The following UQCR10 variants were observed in gnomAD, a reference collection of about 807,000 sequenced individuals.
The protein encoded by UQCR10 is ubiquinol-cytochrome c reductase, complex III subunit X.
Under a neutral mutation model 6.0 loss-of-function variants are expected in UQCR10, and 5 were observed. That is an observed-to-expected ratio of 0.83 (90% CI 0.43 to 1.74). The LOEUF (loss-of-function observed/expected upper bound fraction) is 1.74, where lower values mean the gene tolerates loss of function less well. Ranked by LOEUF, UQCR10 falls within the 40% of genes most tolerant of loss-of-function variation. The probability of loss-of-function intolerance (pLI) is 0.02; values close to 1 mark genes in which losing one functional copy is unlikely to be tolerated. For synonymous variants in UQCR10, 40 were observed against 37.4 expected (o/e 1.07, Z -0.26); for missense variants, 101 against 85.1 (o/e 1.19, Z -0.74).
At chr22:29,769,229 C>T (rs944985618) in intron 1 of UQCR10, among the ~76,000 whole-genome samples, 1 of 152,110 alleles carries the variant, frequency 6.6e-6, no homozygotes, top group African/African-American at 2.4e-5. Flanking sequence ...AGGCTCGGCG[C>T]GGTGGCTCAC....
At chr22:29,769,416 G>T (rs1315085643) in intron 1 of UQCR10, among the ~76,000 whole-genome samples, 1 of 152,030 alleles carries the variant, frequency 6.6e-6, no homozygotes, top group Non-Finnish European at 1.5e-5. Flanking sequence ...AGAATCGCTC[G>T]AACCCAAGAG....
Position 29,767,438 on chromosome 22 carries a change from C to A in UQCR10, c.40C>A (p.Leu14Met), listed in dbSNP as rs920467333. ...GTTGACTTCGAAATTGTACTCCCTG[C>A]TGTTCCGCAGGACCTCCACCTTCGC... is the stretch of plus-strand genomic sequence containing the variant. ...ATLTSKLYSL[L>M]FRRTSTFALT... Residue 14 changes from leucine (L) to methionine (M), a missense_variant, in exon 1 of 2, where the codon CTG (leucine) becomes ATG (methionine). Physicochemically the swap from Leu to Met is conservative, Grantham distance 15. Coordinates refer to ENST00000330029, the MANE Select transcript of UQCR10 (RefSeq NM_013387.4). The A allele has an allele frequency of 1.4e-5, 23 of 1,613,962 alleles. No individual in the cohort carries two copies. Among genetic ancestry groups the A allele is most frequent in the Non-Finnish European group, 1.9e-5 (23 of 1,179,854 alleles).
At chr22:29,767,821 C>T (rs1421836286) in intron 1 of UQCR10, among the ~76,000 whole-genome samples, 1 of 152,140 alleles carries the variant, frequency 6.6e-6, no homozygotes, top group Non-Finnish European at 1.5e-5. Flanking sequence ...AAACTAAAGG[C>T]TAGTGAGAGC....
At chr22:29,767,614 T>C in intron 1 of UQCR10, 66 bp downstream of exon 1, 1 of 1,539,574 alleles carries the variant, frequency 6.5e-7, no homozygotes. Flanking sequence ...AGAGGTGGGA[T>C]GGGACTCAGT....
chr22:29,768,100 A>G (rs2068236921), intron 1 of UQCR10, among the ~76,000 whole-genome samples: 1 of 152,208 alleles, frequency 6.6e-6, no homozygotes, highest in African/African-American at 2.4e-5. Context: ...TAACTGTGGC[A>G]TTAAGTTGAG....
rs1291570556 is a variant in UQCR10 at position 29,770,056 on chromosome 22, T to C, written c.*337T>C. On this transcript the variant is annotated 3_prime_UTR_variant, in exon 2 of 2. Coordinates refer to ENST00000330029, the MANE Select transcript of UQCR10 (RefSeq NM_013387.4). The stretch of plus-strand genomic sequence containing the variant: ...CACCCCAAAGGCAGAATCTGCTATT[T>C]TGAGTTTTCCATTAACTTCCAAAGA... 1.8e-5 allele frequency: 8 copies of C among 437,678 alleles called. No homozygotes were observed. Among genetic ancestry groups the C allele is most frequent in the Non-Finnish European group, 3.1e-5 (7 of 228,614 alleles). The allele number at this position is 437,678 out of a possible 1,614,324, so 27.1% of individuals were successfully genotyped here. A position where few individuals can be genotyped will look rare whatever the true frequency, so the allele number is the denominator to read the frequency against.
intron 1 of UQCR10, among the ~76,000 whole-genome samples, chr22:29,768,060 C>T (rs2068236669): frequency 6.6e-6 from 1 of 152,090 alleles, no homozygotes; most frequent in Non-Finnish European, 1.5e-5. Context: ...AATCAGAAAG[C>T]CTTGGATAGG....
chr22:29,769,815 T>G lies in UQCR10; in HGVS notation c.*96T>G, dbSNP rs191746407. On this transcript the variant is annotated 3_prime_UTR_variant, in exon 2 of 2. Coordinates refer to ENST00000330029, the MANE Select transcript of UQCR10 (RefSeq NM_013387.4). ...CTCAGCTTGAAGATGATGCTCAAGG[T>G]ACTCTTCATGGACCACCATTCGCTG... 2.7e-4 allele frequency: 370 copies of G among 1,380,508 alleles called. 3 individuals are homozygous for G. In the African/African-American group the frequency reaches 4.8e-3, roughly 18 times the overall value. The allele number at this position is 1,380,508 out of a possible 1,614,324, so 85.5% of individuals were successfully genotyped here.
rs2068252741 is a variant in UQCR10, at chr22:29,770,024, C to G, written c.*305C>G. On this transcript the variant is annotated 3_prime_UTR_variant, in exon 2 of 2. Transcript: ENST00000330029. ...TAATTTGAGACCACTTCAAAGCCCT[C>G]TGCAAACACCCCAAAGGCAGAATCT... 3 of 541,914 alleles carry G rather than the reference C, an allele frequency of 5.5e-6. No homozygotes were observed. Among genetic ancestry groups the G allele is most frequent in the Non-Finnish European group, 1.0e-5 (3 of 285,928 alleles). The allele number at this position is 541,914 out of a possible 1,614,324, so 33.6% of individuals were successfully genotyped here.
Position 29,770,010 on chromosome 22 carries a change from C to T in UQCR10, c.*291C>T, listed in dbSNP as rs1025071398. 8.7e-6 allele frequency: 5 copies of T among 577,448 alleles called. No homozygotes were observed. Among genetic ancestry groups the T allele is most frequent in the Non-Finnish European group, 1.6e-5 (5 of 305,890 alleles). 35.8% of individuals were successfully genotyped at this position (577,448 alleles called of 1,614,324 possible). On this transcript the variant is annotated 3_prime_UTR_variant, in exon 2 of 2. Coordinates refer to ENST00000330029, the MANE Select transcript of UQCR10 (RefSeq NM_013387.4). ...TCTTCACTTGTCAGTAATTTGAGAC[C>T]ACTTCAAAGCCCTCTGCAAACACCC...
chr22:29,767,545 G>A lies in UQCR10; in HGVS notation c.147G>A (p.Glu49=). The stretch of plus-strand genomic sequence containing the variant: ...ACGCTATCTACGACCACATCAACGA[G>A]GGGGTGAGGGCCTGTGCCATCCCTG... The part of the protein sequence containing the change: ...GADAIYDHIN[E]GKLWKHIKHK... Residue 49 remains glutamate, a synonymous_variant, in exon 1 of 2, where the codon GAG becomes GAA. Coordinates refer to ENST00000330029, the MANE Select transcript of UQCR10 (RefSeq NM_013387.4). The A allele has an allele frequency of 6.2e-7, 1 of 1,613,700 alleles. No homozygotes were observed. The highest frequency in any genetic ancestry group is 8.5e-7 in the Non-Finnish European group (1 of 1,179,674).
In UQCR10 at chr22:29,769,683, G is replaced by T. The variant is rs769302670; in HGVS notation, c.156G>T (p.Leu52=). 6.2e-7 allele frequency: 1 copy of T among 1,609,206 alleles called. No homozygotes were observed. Among genetic ancestry groups the T allele is most frequent in the South Asian group, 1.1e-5 (1 of 89,906 alleles). ...AIYDHINEGK[L]WKHIKHKYEN... is the part of the protein sequence containing the mutation. ...CTCTTGTCTTTAAAATGCAGAAGCTGTGGAAACACATCAAGCACAAGTATG... is the reference window on the plus strand; with the variant it reads ...CTCTTGTCTTTAAAATGCAGAAGCTTTGGAAACACATCAAGCACAAGTATG... Residue 52 remains leucine (L), a synonymous_variant, in exon 2 of 2, where the codon CTG becomes CTT. Coordinates refer to ENST00000330029, the MANE Select transcript of UQCR10 (RefSeq NM_013387.4).
intron 1 of UQCR10, 26 bp downstream of exon 1, chr22:29,767,574 T>C (rs1396479309): frequency 6.7e-7 from 1 of 1,502,748 alleles, no homozygotes; most frequent in Admixed American, 1.8e-5. Context: ...ATCCCTGACC[T>C]TGGACCCGCC....
chr22:29,768,571 G>A (rs746546572), intron 1 of UQCR10, among the ~76,000 whole-genome samples: 15 of 152,088 alleles, frequency 9.9e-5, no homozygotes, highest in Non-Finnish European at 1.0e-4. Flanking sequence ...CCATTGATCT[G>A]GAGAGACATC....
At position 29,769,993 on chromosome 22, in the gene UQCR10, T is replaced by C; in HGVS notation, c.*274T>C. The C allele has an allele frequency of 1.6e-6, 1 of 611,220 alleles. No homozygotes were observed. The highest frequency in any genetic ancestry group is 3.3e-5 in the East Asian group (1 of 29,966). 37.9% of individuals were successfully genotyped at this position (611,220 alleles called of 1,614,324 possible). On this transcript the variant is annotated 3_prime_UTR_variant, in exon 2 of 2. Coordinates refer to ENST00000330029, the MANE Select transcript of UQCR10 (RefSeq NM_013387.4). ...TTGTTAACTCTACCTGATCTTCACTTGTCAGTAATTTGAGACCACTTCAAA... is the reference window on the plus strand; with the variant it reads ...TTGTTAACTCTACCTGATCTTCACTCGTCAGTAATTTGAGACCACTTCAAA...
intron 1 of UQCR10, 127 bp downstream of exon 1, chr22:29,767,675 T>C: frequency 7.3e-7 from 1 of 1,367,068 alleles, no homozygotes; most frequent in Non-Finnish European, 9.8e-7. Context: ...GTCTTCTGTC[T>C]CGAGTCCGCC....
chr22:29,767,651 G>A lies in UQCR10; in HGVS notation c.150+103G>A, dbSNP rs532042151. Reference sequence around the variant, plus strand: ...TACTTTTACCAGGAAGGGGGTAAGGGGTAAACCGTCGGCGTCTTCTGTCTC... The same window carrying A: ...TACTTTTACCAGGAAGGGGGTAAGGAGTAAACCGTCGGCGTCTTCTGTCTC... On this transcript the variant is annotated intron_variant, in intron 1 of 1. Transcript: ENST00000330029. 1.2e-5 allele frequency: 17 copies of A among 1,475,254 alleles called. No individual in the cohort carries two copies. The East Asian group carries it at 1.5e-4, about 13-fold the overall frequency. The allele number at this position is 1,475,254 out of a possible 1,614,324, so 91.4% of individuals were successfully genotyped here.
chr22:29,770,107 G>C lies in UQCR10; in HGVS notation c.*388G>C. On this transcript the variant is annotated 3_prime_UTR_variant, in exon 2 of 2. Coordinates refer to ENST00000330029, the MANE Select transcript of UQCR10 (RefSeq NM_013387.4). ...ATTCTGGTTTTCAAAACAGGAGCCA[G>C]AGTTGGAGATATTACAGTCAACTTT... 2.7e-6 allele frequency: 1 copy of C among 374,766 alleles called. No homozygotes were observed. Among genetic ancestry groups the C allele is most frequent in the South Asian group, 2.1e-5 (1 of 48,264 alleles). 23.2% of individuals were successfully genotyped at this position (374,766 alleles called of 1,614,324 possible).
chr22:29,767,446 C>G lies in UQCR10; in HGVS notation c.48C>G (p.Arg16=), dbSNP rs2147244643. 3 of 1,614,010 alleles carry G rather than the reference C, an allele frequency of 1.9e-6. 1 individual carries two copies. The highest frequency in any genetic ancestry group is 8.5e-7 in the Non-Finnish European group (1 of 1,179,880). ...LTSKLYSLLF[R]RTSTFALTII... is the part of the protein sequence containing the mutation. The stretch of plus-strand genomic sequence containing the variant: ...CGAAATTGTACTCCCTGCTGTTCCG[C>G]AGGACCTCCACCTTCGCCCTCACCA... The change falls in exon 1 of 2, where the codon CGC becomes CGG. Residue 16 remains arginine (R), a synonymous_variant. Coordinates refer to ENST00000330029, the MANE Select transcript of UQCR10 (RefSeq NM_013387.4).
Sources: allele counts gnomAD v4.1 joint callset (sites outside exome capture counted in the v4.1 genomes callset), GRCh38; gene constraint gnomAD v4.1.1; transcripts MANE v1.5; gene names NCBI Gene and HGNC (gene_info 2026-07-23, HGNC 2026-07-21).